Variants in FNBP1 observed in about 807,000 individuals in gnomAD.
FNBP1 encodes formin-binding protein 1.
In FNBP1, 26 loss-of-function variants were observed where a neutral mutation model predicts 90.6. That is an observed-to-expected ratio of 0.29 (90% CI 0.21 to 0.40). FNBP1 has a LOEUF of 0.40. Ranked by LOEUF, FNBP1 falls within the 10% of genes least tolerant of loss-of-function variation. FNBP1 has a pLI of 1.00. For missense variants in FNBP1, 635 were observed against 768.0 expected (o/e 0.83, Z 2.05); for synonymous variants, 260 against 265.2 (o/e 0.98, Z 0.19).
At chr9:129,962,216 C>A (rs768658996) in intron 4 of FNBP1, among the ~76,000 whole-genome samples, 4 of 152,230 alleles carry the variant, frequency 2.6e-5, no homozygotes, top group African/African-American at 9.6e-5. Flanking sequence ...GAAGGCTCCT[C>A]CAGCCCTGTG....
intron 1 of FNBP1, among the ~76,000 whole-genome samples, chr9:130,035,559 A>G (rs1290150885): frequency 6.6e-6 from 1 of 152,230 alleles, no homozygotes; most frequent in Admixed American, 6.5e-5. Context: ...GTAACAAATA[A>G]ACAAGATGAT....
At chr9:129,924,729 TC>T (rs557752245) in intron 9 of FNBP1, among the ~76,000 whole-genome samples, 189 of 152,260 alleles carry the variant, frequency 1.2e-3, no homozygotes, top group African/African-American at 4.3e-3. Context: ...AGGTCAGTAC[TC>T]TGTTAGTGTG....
In FNBP1 at chr9:129,888,637, C is replaced by T. The variant is rs1192677397; in HGVS notation, c.*1902G>A. 1 of 232,994 alleles carries T rather than the reference C, an allele frequency of 4.3e-6. No homozygotes were observed. The highest frequency in any genetic ancestry group is 8.5e-6 in the Non-Finnish European group (1 of 117,958). The allele number at this position is 232,994 out of a possible 1,614,324, so 14.4% of individuals were successfully genotyped here. On this transcript the variant is annotated 3_prime_UTR_variant, in exon 17 of 17. Transcript: ENST00000446176. ...CCCGGGGAAGAAGCAGTCAGAGAGG[C>T]TCACGCTCACCTACTTTAAAAACCC... is the stretch of plus-strand genomic sequence containing the variant.
In FNBP1 at chr9:129,900,315, A is replaced by G; in HGVS notation, c.1550+111T>C. 1 of 1,227,652 alleles carries G rather than the reference A, an allele frequency of 8.1e-7. No individual in the cohort carries two copies. The allele number at this position is 1,227,652 out of a possible 1,614,324, so 76.0% of individuals were successfully genotyped here. ...AAGTGACAGGTCAATCGCAACAGAC[A>G]TTTTGGCATTGAACAAGTGCCTTAT... On this transcript the variant is annotated intron_variant, in intron 14 of 16. Transcript: ENST00000446176. The surrounding 1 kb of genome is among the most constrained non-coding windows in gnomAD (Gnocchi z 4.1).
intron 1 of FNBP1, among the ~76,000 whole-genome samples, chr9:129,997,804 A>G (rs1328176309): frequency 1.3e-5 from 2 of 152,172 alleles, no homozygotes; most frequent in African/African-American, 4.8e-5. Flanking sequence ...AGTCATGATC[A>G]GGCTACTGCA....
At chr9:130,029,247 C>G (rs909951904) in intron 1 of FNBP1, among the ~76,000 whole-genome samples, 1 of 151,950 alleles carries the variant, frequency 6.6e-6, no homozygotes, top group African/African-American at 2.4e-5. Context: ...CCTCAACTTC[C>G]TGAGCTCAAG....
upstream of FNBP1, among the ~76,000 whole-genome samples, chr9:130,043,684 G>C (rs574085001): frequency 6.6e-6 from 1 of 152,222 alleles, no homozygotes; most frequent in Non-Finnish European, 1.5e-5. Context: ...GTAACTGCGC[G>C]CTGTGCGAAT....
chr9:130,022,695 C>G (rs1180846224), intron 1 of FNBP1, among the ~76,000 whole-genome samples: 1 of 151,980 alleles, frequency 6.6e-6, no homozygotes, highest in Non-Finnish European at 1.5e-5. Flanking sequence ...CAGGGTTTCA[C>G]TCTGTGGCCT....
chr9:130,009,430 G>A (rs2056241768), intron 1 of FNBP1, among the ~76,000 whole-genome samples: 1 of 152,140 alleles, frequency 6.6e-6, no homozygotes, highest in African/African-American at 2.4e-5. Flanking sequence ...GGGAGGCCGA[G>A]GCAAGCGGAT....
chr9:130,010,860 TGA>T (rs1178678906), intron 1 of FNBP1, among the ~76,000 whole-genome samples: 14 of 150,294 alleles, frequency 9.3e-5, no homozygotes, highest in South Asian at 2.1e-4. Flanking sequence ...GGCACTGGAA[TGA>T]GAGTAGGGAA....
rs1554839112 is a variant in FNBP1 at position 129,990,951 on chromosome 9, T to TG, written c.140+3891dup. Among the ~76,000 whole-genome samples the TG allele has an allele frequency of 2.1e-3, 309 of 150,164 alleles. 3 individuals are homozygous for TG. Among genetic ancestry groups the TG allele is most frequent in the African/African-American group, 7.4e-3 (303 of 40,796 alleles). The stretch of plus-strand genomic sequence containing the variant: ...ACCAGGGTTTTTTTTTTTTTTTTTT[T>TG]GAGATGGAGTCTTGCTCTGTCACCC... On this transcript the variant is annotated intron_variant, in intron 2 of 16. Transcript: ENST00000446176.
chr9:129,915,512 C>T (rs937026904), intron 11 of FNBP1, among the ~76,000 whole-genome samples: 11 of 152,022 alleles, frequency 7.2e-5, no homozygotes, highest in South Asian at 2.1e-4. Context: ...TACAGGCGCA[C>T]GCTGCCACGC....
At chr9:129,984,792 G>A (rs2051889156) in intron 2 of FNBP1, among the ~76,000 whole-genome samples, 1 of 152,114 alleles carries the variant, frequency 6.6e-6, no homozygotes, top group African/African-American at 2.4e-5. Flanking sequence ...CACAAGATCT[G>A]ACAGGTTTAT....
At chr9:129,947,749 A>G (rs1303820547) in intron 6 of FNBP1, among the ~76,000 whole-genome samples, 3 of 151,404 alleles carry the variant, frequency 2.0e-5, no homozygotes, top group Admixed American at 2.0e-4. Flanking sequence ...CAGTCTCCCG[A>G]GTAGCTGACA....
chr9:129,890,269 TGGCCTGC>T lies in FNBP1; in HGVS notation c.*263_*269del. On this transcript the variant is annotated 3_prime_UTR_variant, in exon 17 of 17. Coordinates refer to ENST00000446176, the MANE Select transcript of FNBP1 (RefSeq NM_015033.3). The surrounding 1 kb of genome is among the most constrained non-coding windows in gnomAD (Gnocchi z 5.8). ...AGGGGCGTGTGTCCCACCGTCTCAG[TGGCCTGC>T]GCGGGGTGGGGAGGGGGAGCGATGA... 1.6e-5 allele frequency: 8 copies of T among 515,832 alleles called. No homozygotes were observed. The highest frequency in any genetic ancestry group is 5.5e-5 in the South Asian group (2 of 36,606). The allele number at this position is 515,832 out of a possible 1,614,324, so 32.0% of individuals were successfully genotyped here. A position where few individuals can be genotyped will look rare whatever the true frequency, so the allele number is the denominator to read the frequency against.
At chr9:129,968,395 C>CA (rs775896038) in intron 4 of FNBP1, among the ~76,000 whole-genome samples, 1,187 of 68,656 alleles carry the variant, frequency 0.017, 13 homozygotes, top group South Asian at 0.069. Context: ...AACTCCGTCT[C>CA]AAAAAAAAAA....
At chr9:129,906,240 C>T (rs2038037335) in intron 12 of FNBP1, among the ~76,000 whole-genome samples, 1 of 152,162 alleles carries the variant, frequency 6.6e-6, no homozygotes, top group South Asian at 2.1e-4. Context: ...GATAATATAG[C>T]TTGAATGATA....
Position 129,888,688 on chromosome 9 carries a change from G to T in FNBP1, c.*1851C>A, listed in dbSNP as rs915618085. On this transcript the variant is annotated 3_prime_UTR_variant, in exon 17 of 17. Coordinates refer to ENST00000446176, the MANE Select transcript of FNBP1 (RefSeq NM_015033.3). ...AAAGCCACTTCCTCTTCACCTGCCT[G>T]GGCCTCAGCGTCTCTGCGCTTGTGG... 9.0e-5 allele frequency: 21 copies of T among 233,216 alleles called. No individual in the cohort carries two copies. Among genetic ancestry groups the T allele is most frequent in the Non-Finnish European group, 1.5e-4 (18 of 118,086 alleles). The allele number at this position is 233,216 out of a possible 1,614,324, so 14.4% of individuals were successfully genotyped here.
At chr9:129,892,416 C>CACAA (rs386416323) in intron 16 of FNBP1, among the ~76,000 whole-genome samples, 13 of 134,532 alleles carry the variant, frequency 9.7e-5, no homozygotes, top group African/African-American at 3.6e-4. Context: ...CACACACACA[C>CACAA]AAAAAGGTTG....
Sources: gnomAD v4.1 joint callset for allele counts (sites outside exome capture counted in the v4.1 genomes callset) on GRCh38, gnomAD v4.1.1 for gene constraint, Gnocchi (gnomAD v3.1) non-coding constraint, MANE v1.5 for transcripts, NCBI Gene and HGNC (gene_info 2026-07-23, HGNC 2026-07-21) for gene names.